Variants in MLN observed in about 807,000 individuals in gnomAD.
MLN encodes the protein motilin.
In MLN, 14 loss-of-function variants were observed where a neutral mutation model predicts 13.3. The ratio of observed to expected loss-of-function variants is 1.05; its 90% confidence interval spans 0.69 to 1.64. MLN has a LOEUF of 1.64. Among genes scored for constraint, MLN ranks in the 40% most tolerant of loss-of-function variants. The pLI is 0.00. For synonymous variants in MLN, 59 were observed against 54.7 expected (o/e 1.08, Z -0.34); for missense variants, 122 against 142.9 (o/e 0.85, Z 0.75).
Position 33,795,498 on chromosome 6 carries a change from C to T in MLN, c.337+5G>A, listed in dbSNP as rs551926007. 36 of 1,557,424 alleles carry T rather than the reference C, an allele frequency of 2.3e-5. No homozygotes were observed. The highest frequency in any genetic ancestry group is 2.0e-4 in the South Asian group (17 of 84,456). On this transcript the variant is annotated splice_donor_5th_base_variant and intron_variant, in intron 4 of 4. Coordinates refer to ENST00000430124, the MANE Select transcript of MLN (RefSeq NM_002418.3). ...AAGCCACAGAGATGCCCGCCCTCCC[C>T]GTACCATGCTGGGGAAGCATCTCAC...
intron 2 of MLN, 137 bp downstream of exon 2, chr6:33,800,910 G>C (rs1768029429): frequency 5.8e-6 from 4 of 693,006 alleles, no homozygotes; most frequent in Non-Finnish European, 7.9e-6. Context: ...GCCAGTGAAG[G>C]CGTGAAGGTG....
chr6:33,796,310 C>T (rs1213991835), intron 3 of MLN, among the ~76,000 whole-genome samples: 2 of 152,222 alleles, frequency 1.3e-5, no homozygotes, highest in South Asian at 2.1e-4. Context: ...TGCTCAAGGC[C>T]GCACAGATGG....
Position 33,797,374 on chromosome 6 carries a change from C to A in MLN, c.234+1731G>T, listed in dbSNP as rs372406896. Reference sequence around the variant, plus strand: ...GACTCCTACATGTGAGCCTCCAGCCCTCACCTCTCTTCTGAACTCCAAACT... The same window carrying A: ...GACTCCTACATGTGAGCCTCCAGCCATCACCTCTCTTCTGAACTCCAAACT... On this transcript the variant is annotated intron_variant, in intron 3 of 4. Transcript: ENST00000430124. Among the ~76,000 whole-genome samples, 20 of 152,342 alleles carry A rather than the reference C, an allele frequency of 1.3e-4. No homozygotes were observed. In the South Asian group the frequency reaches 1.5e-3, roughly 11 times the overall value.
intron 1 of MLN, among the ~76,000 whole-genome samples, chr6:33,802,010 C>T (rs1198311987): frequency 1.3e-5 from 2 of 151,656 alleles, no homozygotes; most frequent in East Asian, 3.9e-4. Context: ...GGTGCAGAGC[C>T]TTGAGAAAGG....
chr6:33,798,353 G>T (rs1043988277), intron 3 of MLN, among the ~76,000 whole-genome samples: 14 of 152,204 alleles, frequency 9.2e-5, no homozygotes, highest in African/African-American at 3.4e-4. Context: ...CCTAGTAGGG[G>T]TTCATTTATT....
chr6:33,795,352 T>C, intron 4 of MLN, 151 bp downstream of exon 4: 1 of 657,734 alleles, frequency 1.5e-6, no homozygotes, highest in Non-Finnish European at 2.6e-6. Flanking sequence ...CACCAGCAGG[T>C]ATCACAGCAT....
In MLN at chr6:33,799,870, G is replaced by C. The variant is rs759114329; in HGVS notation, c.118-649C>G. Among the ~76,000 whole-genome samples the C allele has an allele frequency of 2.0e-4, 30 of 152,174 alleles. No homozygotes were observed. Among genetic ancestry groups the C allele is most frequent in the Non-Finnish European group, 3.7e-4 (25 of 68,018 alleles). On this transcript the variant is annotated intron_variant, in intron 2 of 4. Coordinates refer to ENST00000430124, the MANE Select transcript of MLN (RefSeq NM_002418.3). This position sits in a 1 kb window ranked among gnomAD's most constrained non-coding sequence, Gnocchi z 4.6. ...TCTTGCCCGGCATGCTGCTGGCCAG[G>C]TCCCTGAGCACTGAGATCCTCATTC...
In MLN at chr6:33,794,847, CAGA is replaced by C; in HGVS notation, c.338-15_338-13del. On this transcript the variant is annotated splice_polypyrimidine_tract_variant and intron_variant, in intron 4 of 4. Coordinates refer to ENST00000430124, the MANE Select transcript of MLN (RefSeq NM_002418.3). Reference sequence around the variant, plus strand: ...CCATCACTTGGCTGCTGGAGAAAAGCAGAGGTTTGCGCTCAGTACCATCATCAG... The same window carrying C: ...CCATCACTTGGCTGCTGGAGAAAAGCGGTTTGCGCTCAGTACCATCATCAG... 2 of 1,613,632 alleles carry C rather than the reference CAGA, an allele frequency of 1.2e-6. No homozygotes were observed. Among genetic ancestry groups the C allele is most frequent in the Non-Finnish European group, 1.7e-6 (2 of 1,179,770 alleles).
rs749913537 is a variant in MLN, at chr6:33,799,256, C to T, written c.118-35G>A. ...GAACAGAAAATTGCACAAAACCGCC[C>T]TCCCTCAACCCACGCTGATGGCCCC... On this transcript the variant is annotated intron_variant, in intron 2 of 4. Coordinates refer to ENST00000430124, the MANE Select transcript of MLN (RefSeq NM_002418.3). This position sits in a 1 kb window ranked among gnomAD's most constrained non-coding sequence, Gnocchi z 4.6. 5 of 1,504,066 alleles carry T rather than the reference C, an allele frequency of 3.3e-6. No homozygotes were observed. In the East Asian group the frequency reaches 1.1e-4, roughly 34 times the overall value. 93.2% of individuals were successfully genotyped at this position (1,504,066 alleles called of 1,614,324 possible).
chr6:33,798,672 C>T (rs1444381075), intron 3 of MLN, among the ~76,000 whole-genome samples: 2 of 152,244 alleles, frequency 1.3e-5, no homozygotes, highest in East Asian at 1.9e-4. Context: ...CTCGCCCACT[C>T]GACTAACCCC....
chr6:33,796,807 C>G (rs534723657), intron 3 of MLN, among the ~76,000 whole-genome samples: 2 of 152,314 alleles, frequency 1.3e-5, no homozygotes, highest in East Asian at 3.9e-4. Context: ...CCTCTCAGCT[C>G]TGTATGTTGT....
intron 2 of MLN, among the ~76,000 whole-genome samples, chr6:33,800,005 A>G (rs1768007950): frequency 1.3e-5 from 2 of 152,134 alleles, no homozygotes; most frequent in Admixed American, 1.3e-4. Flanking sequence ...CGTGGAGGAA[A>G]GTGTGTTGGG....
At chr6:33,795,979 A>ATTTTT (rs1767909350) in intron 3 of MLN, among the ~76,000 whole-genome samples, 1 of 86,250 alleles carries the variant, frequency 1.2e-5, no homozygotes, top group Non-Finnish European at 2.4e-5. Flanking sequence ...TTTTTTTTTG[A>ATTTTT]GACGGAGTCT....
intron 3 of MLN, 125 bp from the exon 4 acceptor site, chr6:33,795,730 C>G: frequency 1.4e-6 from 1 of 722,428 alleles, no homozygotes; most frequent in Non-Finnish European, 2.3e-6. Context: ...ACTAGAGCCT[C>G]TAGGGATGGC....
intron 3 of MLN, 29 bp from the exon 4 acceptor site, chr6:33,795,634 G>T: frequency 6.5e-7 from 1 of 1,543,510 alleles, no homozygotes; most frequent in Non-Finnish European, 8.8e-7. Flanking sequence ...TTAACAACGA[G>T]GGAGAGGTGG....
At chr6:33,801,969 G>A (rs1582279332) in intron 1 of MLN, among the ~76,000 whole-genome samples, 1 of 152,164 alleles carries the variant, frequency 6.6e-6, no homozygotes, top group East Asian at 1.9e-4. Flanking sequence ...TCGGGTCCTG[G>A]CAGGGAGCAG....
At position 33,799,132 on chromosome 6, in the gene MLN, GA is replaced by G; in HGVS notation, c.206del (p.Ile69ThrfsTer8). 1.9e-6 allele frequency: 3 copies of G among 1,609,610 alleles called. No individual in the cohort carries two copies. The highest frequency in any genetic ancestry group is 2.5e-6 in the Non-Finnish European group (3 of 1,176,612). On this transcript the variant is annotated frameshift_variant, in exon 3 of 5. Transcript: ENST00000430124. LOFTEE classifies it high-confidence loss of function. This position sits in a 1 kb window ranked among gnomAD's most constrained non-coding sequence, Gnocchi z 4.6. ...EEGPVDPAEP[I>X]REEENEMIKL... ...TGATCATTTCGTTTTCTTCTTCCCT[GA>G]TGGGCTCCGCAGGGTCTACAGGACC... is the stretch of plus-strand genomic sequence containing the variant.
chr6:33,795,471 C>A, intron 4 of MLN, 32 bp downstream of exon 4: 1 of 1,532,024 alleles, frequency 6.5e-7, no homozygotes, highest in Non-Finnish European at 8.9e-7. Flanking sequence ...CGGAGGCCGG[C>A]CAAGCCACAG....
At chr6:33,796,859 G>A (rs1455181347) in intron 3 of MLN, among the ~76,000 whole-genome samples, 1 of 152,178 alleles carries the variant, frequency 6.6e-6, no homozygotes, top group East Asian at 1.9e-4. Context: ...CCCCACCCAA[G>A]CCTCCCCAAG....
Sources: gnomAD v4.1 joint callset for allele counts (sites outside exome capture counted in the v4.1 genomes callset) on GRCh38, gnomAD v4.1.1 for gene constraint, Gnocchi (gnomAD v3.1) non-coding constraint, MANE v1.5 for transcripts, NCBI Gene and HGNC (gene_info 2026-07-23, HGNC 2026-07-21) for gene names.